The following PDS5A variants were observed in gnomAD, a reference collection of about 807,000 sequenced individuals.
PDS5A encodes PDS5 cohesin associated factor A, also known as sister chromatid cohesion protein PDS5 homolog A.
In PDS5A, 42 loss-of-function variants were observed where a neutral mutation model predicts 167.1. The observed-to-expected ratio is 0.25, with a 90% CI of 0.20 to 0.33. The LOEUF (loss-of-function observed/expected upper bound fraction) is 0.33. Ranked by LOEUF, PDS5A falls within the 10% of genes least tolerant of loss-of-function variation. The pLI is 1.00. For synonymous variants in PDS5A, 553 were observed against 554.6 expected, an observed-to-expected ratio of 1.00 and a Z score of 0.04; for missense variants, 1,033 against 1,605.9, an observed-to-expected ratio of 0.64 and a Z score of 6.10.
intron 2 of PDS5A, among the ~76,000 whole-genome samples, chr4:39,970,531 T>TA (rs1730409066): frequency 1.3e-5 from 2 of 151,594 alleles, no homozygotes; most frequent in African/African-American, 4.9e-5. Flanking sequence ...TGTCTTCAAC[T>TA]ACATGATAAA....
intron 30 of PDS5A, among the ~76,000 whole-genome samples, chr4:39,842,907 T>TATATATATA (rs1560419555): frequency 0.051 from 1,428 of 28,254 alleles, 58 homozygotes; most frequent in Non-Finnish European, 0.056. Flanking sequence ...CTTATCCTAT[T>TATATATATA]TTTATATATA....
At chr4:39,885,938 GAGC>G (rs1340192421) in intron 17 of PDS5A, among the ~76,000 whole-genome samples, 1 of 152,076 alleles carries the variant, frequency 6.6e-6, no homozygotes. Context: ...CTGGGTGACA[GAGC>G]AAGACCTTGT....
In PDS5A at chr4:39,845,896, A is replaced by C. The variant is rs777863058; in HGVS notation, c.3340-16T>G. On this transcript the variant is annotated splice_polypyrimidine_tract_variant and intron_variant, in intron 28 of 32. Coordinates refer to ENST00000303538, the MANE Select transcript of PDS5A (RefSeq NM_001100399.2). ...TACAGAAGTCCTATTAAAAAAAAAAAAGAAAAAGAAAAAAGAAACACCAAT... is the reference window on the plus strand; with the variant it reads ...TACAGAAGTCCTATTAAAAAAAAAACAGAAAAAGAAAAAAGAAACACCAAT... 160 of 1,332,938 alleles carry C rather than the reference A, an allele frequency of 1.2e-4. No individual in the cohort carries two copies. Among genetic ancestry groups the C allele is most frequent in the Non-Finnish European group, 1.6e-4 (160 of 1,025,182 alleles). 82.6% of individuals were successfully genotyped at this position (1,332,938 alleles called of 1,614,324 possible).
At position 39,890,362 on chromosome 4, in the gene PDS5A, T is replaced by C. The variant is rs748626081; in HGVS notation, c.1773A>G (p.Arg591=). The change falls in exon 17 of 33, where the codon AGA becomes AGG. Residue 591 remains arginine, a splice_region_variant and synonymous_variant. Transcript: ENST00000303538. The part of the protein sequence containing the change: ...CSCKQADICV[R]EIARKLANPK... Reference sequence around the variant, plus strand: ...GATTTGCAAGTTTCCGGGCTATTTCTCTCTATAGAAAGAAAGGAGTTTTAC... The same window carrying C: ...GATTTGCAAGTTTCCGGGCTATTTCCCTCTATAGAAAGAAAGGAGTTTTAC... 7 of 1,530,176 alleles carry C rather than the reference T, an allele frequency of 4.6e-6. No individual in the cohort carries two copies. The highest frequency in any genetic ancestry group is 5.4e-6 in the Non-Finnish European group (6 of 1,120,362). The allele number at this position is 1,530,176 out of a possible 1,614,324, so 94.8% of individuals were successfully genotyped here. A position where few individuals can be genotyped will look rare whatever the true frequency, so the allele number is the denominator to read the frequency against.
At chr4:39,861,351 G>A (rs879597318) in intron 26 of PDS5A, among the ~76,000 whole-genome samples, 3 of 152,150 alleles carry the variant, frequency 2.0e-5, no homozygotes, top group East Asian at 1.9e-4. Flanking sequence ...CCAGCTACTC[G>A]GGAGGCTGAG....
intron 13 of PDS5A, among the ~76,000 whole-genome samples, chr4:39,901,419 C>T (rs151267892): frequency 4.3e-3 from 652 of 152,102 alleles, no homozygotes; most frequent in Non-Finnish European, 7.1e-3. Context: ...AGGCGTGCAC[C>T]ACCATGCCCA....
At chr4:39,860,465 CA>C (rs35765967) in intron 26 of PDS5A, among the ~76,000 whole-genome samples, 132 of 124,906 alleles carry the variant, frequency 1.1e-3, no homozygotes, top group Middle Eastern at 4.0e-3. Flanking sequence ...ACACTTGTCT[CA>C]AAAAAAAAAA....
At chr4:39,844,881 TAAGAGA>T in intron 29 of PDS5A, 80 bp from the exon 30 acceptor site, 7 of 1,396,968 alleles carry the variant, frequency 5.0e-6, no homozygotes, top group Non-Finnish European at 6.7e-6. Flanking sequence ...TAGACACAAG[TAAGAGA>T]TATTGTTAAG....
chr4:39,917,225 G>C, intron 7 of PDS5A, 37 bp from the exon 8 acceptor site: 1 of 1,399,890 alleles, frequency 7.1e-7, no homozygotes, highest in South Asian at 1.4e-5. Flanking sequence ...AAAACATCCA[G>C]TTCATTTAAA....
chr4:39,830,592 A>G (rs1453775383), intron 32 of PDS5A, among the ~76,000 whole-genome samples: 1 of 151,894 alleles, frequency 6.6e-6, no homozygotes, highest in African/African-American at 2.4e-5. Context: ...CGCCCAGCTA[A>G]TTTTGTATTT....
chr4:39,844,614 G>A (rs1168772663), intron 30 of PDS5A, 42 bp downstream of exon 30: 3 of 1,525,858 alleles, frequency 2.0e-6, no homozygotes, highest in Non-Finnish European at 2.7e-6. Flanking sequence ...GATAAACCAA[G>A]TAGTGAGTGC....
At chr4:39,869,147 C>T (rs1719802806) in intron 22 of PDS5A, among the ~76,000 whole-genome samples, 1 of 152,166 alleles carries the variant, frequency 6.6e-6, no homozygotes. Flanking sequence ...ACCTCCTTAA[C>T]AAATGCTTAT....
At chr4:39,970,080 G>A (rs1157550479) in intron 2 of PDS5A, among the ~76,000 whole-genome samples, 1 of 151,410 alleles carries the variant, frequency 6.6e-6, no homozygotes, top group Non-Finnish European at 1.5e-5. Context: ...TCGAACTCTT[G>A]ACCTCGTGAT....
chr4:39,854,274 A>G (rs1393279983), intron 26 of PDS5A, among the ~76,000 whole-genome samples: 1 of 152,218 alleles, frequency 6.6e-6, no homozygotes, highest in Admixed American at 6.5e-5. Flanking sequence ...CTGCACTCCA[A>G]CTTGGGCGAC....
At chr4:39,879,888 A>G in intron 17 of PDS5A, 55 bp from the exon 18 acceptor site, 1 of 991,614 alleles carries the variant, frequency 1.0e-6, no homozygotes, top group Non-Finnish European at 1.6e-6. Context: ...ACTATATCCT[A>G]ATCACACTGT....
At chr4:39,943,887 C>T (rs1727480048) in intron 2 of PDS5A, among the ~76,000 whole-genome samples, 1 of 151,806 alleles carries the variant, frequency 6.6e-6, no homozygotes, top group Non-Finnish European at 1.5e-5. Context: ...ACAAAATACA[C>T]TATTAGTCGG....
At chr4:39,971,624 T>C (rs1730547671) in intron 2 of PDS5A, among the ~76,000 whole-genome samples, 1 of 152,024 alleles carries the variant, frequency 6.6e-6, no homozygotes, top group Non-Finnish European at 1.5e-5. Context: ...CACACCTGGC[T>C]AATTTTTGTA....
At chr4:39,845,430 C>A (rs906487502) in intron 29 of PDS5A, among the ~76,000 whole-genome samples, 2 of 152,052 alleles carry the variant, frequency 1.3e-5, no homozygotes, top group Admixed American at 6.6e-5. Context: ...GAACTATTTA[C>A]AAAAAACTAA....
At position 39,926,781 on chromosome 4, in the gene PDS5A, TA is replaced by T; in HGVS notation, c.422del (p.Leu141TyrfsTer2). On this transcript the variant is annotated frameshift_variant, in exon 4 of 33. Transcript: ENST00000303538. LOFTEE classifies it high-confidence loss of function. Reference protein sequence around the residue: ...KSPQFNRYFYLLENLAWVKSY... With the variant: ...KSPQFNRYFYXLENLAWVKSY... ...AAAGTTTTTTTTTTTTTACCTCTAA[TA>T]AATAAAAGTATCTATTAAACTGTGG... 1 of 1,388,334 alleles carries T rather than the reference TA, an allele frequency of 7.2e-7. No individual in the cohort carries two copies. Among genetic ancestry groups the T allele is most frequent in the Non-Finnish European group, 9.5e-7 (1 of 1,056,674 alleles). The allele number at this position is 1,388,334 out of a possible 1,614,324, so 86.0% of individuals were successfully genotyped here. A position where few individuals can be genotyped will look rare whatever the true frequency, so the allele number is the denominator to read the frequency against.
Sources: gnomAD v4.1 joint callset for allele counts (sites outside exome capture counted in the v4.1 genomes callset) on GRCh38, gnomAD v4.1.1 for gene constraint, MANE v1.5 for transcripts, NCBI Gene and HGNC (gene_info 2026-07-23, HGNC 2026-07-21) for gene names.